Variants in TENM3 observed in about 807,000 individuals in gnomAD.
TENM3 encodes the protein teneurin transmembrane protein 3.
TENM3 carries 63 observed loss-of-function variants against 255.1 expected under a neutral mutation model. The ratio of observed to expected loss-of-function variants is 0.25; its 90% CI spans 0.20 to 0.30. TENM3 has a LOEUF of 0.30. Among genes scored for constraint, TENM3 ranks in the 10% least tolerant of loss-of-function variants. TENM3 has a pLI of 1.00. For synonymous variants in TENM3, 1,306 were observed against 1,322.3 expected (o/e 0.99, Z 0.27); for missense variants, 2,929 against 3,461.1 (o/e 0.85, Z 3.86).
At chr4:182,449,494 C>T (rs537814465) in intron 3 of TENM3, among the ~76,000 whole-genome samples, 2 of 152,068 alleles carry the variant, frequency 1.3e-5, no homozygotes, top group Non-Finnish European at 2.9e-5. Context: ...AGTGTACTGT[C>T]CTAATCCGTG....
intron 22 of TENM3, among the ~76,000 whole-genome samples, chr4:182,761,006 A>AAGTT (rs1418849381): frequency 3.9e-5 from 6 of 152,036 alleles, no homozygotes; most frequent in African/African-American, 1.4e-4. Context: ...TTAATTAGAA[A>AAGTT]AGTTATGCCC....
chr4:181,605,955 C>T, the TENM3 span, among the ~76,000 whole-genome samples: 1 of 152,158 alleles, frequency 6.6e-6, no homozygotes, highest in Non-Finnish European at 1.5e-5. Flanking sequence ...GGACCGTCCA[C>T]ATCATCCTTT....
the TENM3 span, among the ~76,000 whole-genome samples, chr4:181,744,435 A>C: frequency 6.6e-6 from 1 of 151,918 alleles, no homozygotes; most frequent in Non-Finnish European, 1.5e-5. Context: ...ATTAATTTAC[A>C]CTCCCACCAA....
At chr4:181,866,096 G>A in the TENM3 span, among the ~76,000 whole-genome samples, 2 of 152,186 alleles carry the variant, frequency 1.3e-5, no homozygotes, top group African/African-American at 4.8e-5. Flanking sequence ...AAAGTTAACA[G>A]TAAATGATTA....
chr4:182,667,736 G>A (rs1029167164), intron 6 of TENM3, among the ~76,000 whole-genome samples: 1 of 149,748 alleles, frequency 6.7e-6, no homozygotes, highest in African/African-American at 2.5e-5. Context: ...AGCATTCTTT[G>A]TAGAACACTT....
At chr4:182,519,932 T>G (rs1322627176) in intron 3 of TENM3, among the ~76,000 whole-genome samples, 1 of 152,128 alleles carries the variant, frequency 6.6e-6, no homozygotes, top group African/African-American at 2.4e-5. Flanking sequence ...TGGCTAAACA[T>G]TGGTGACTAC....
the TENM3 span, among the ~76,000 whole-genome samples, chr4:181,827,697 G>A: frequency 6.6e-6 from 1 of 152,164 alleles, no homozygotes; most frequent in Non-Finnish European, 1.5e-5. Flanking sequence ...AGGTTCCACG[G>A]CTGAGGGAGG....
intron 1 of TENM3, among the ~76,000 whole-genome samples, chr4:182,284,437 C>G (rs919518003): frequency 3.9e-5 from 6 of 152,174 alleles, no homozygotes; most frequent in African/African-American, 1.4e-4. Flanking sequence ...TATTTTAAAT[C>G]TATCTGCGGA....
chr4:181,641,217 G>T, the TENM3 span, among the ~76,000 whole-genome samples: 1 of 151,458 alleles, frequency 6.6e-6, no homozygotes, highest in Admixed American at 6.6e-5. Context: ...TTAAATTCTG[G>T]GATACATGTG....
Position 182,792,306 on chromosome 4 carries a change from G to C in TENM3, c.5634G>C (p.Gln1878His). 1 of 1,613,936 alleles carries C rather than the reference G, an allele frequency of 6.2e-7. No individual in the cohort carries two copies. Among genetic ancestry groups the C allele is most frequent in the South Asian group, 1.1e-5 (1 of 91,082 alleles). Residue 1878 changes from glutamine (Q) to histidine (H), a missense_variant, in exon 26 of 28, where the codon CAG (glutamine) becomes CAC (histidine). Coordinates refer to ENST00000511685, the MANE Select transcript of TENM3 (RefSeq NM_001080477.4). The surrounding 1 kb of genome is among the most constrained non-coding windows in gnomAD (Gnocchi z 6.3). ...TTCTTCTGCTTCATAGCCAGCGGCA[G>C]TACATCTTCGAATACGATATGTGGG... is the stretch of plus-strand genomic sequence containing the variant. Reference protein sequence around the residue: ...SMVLLLHSQRQYIFEYDMWDR... With the variant: ...SMVLLLHSQRHYIFEYDMWDR...
the TENM3 span, among the ~76,000 whole-genome samples, chr4:181,515,854 C>T: frequency 6.6e-6 from 1 of 152,022 alleles, no homozygotes; most frequent in Non-Finnish European, 1.5e-5. Flanking sequence ...GGGAATATAC[C>T]AAAGGAATAT....
At chr4:181,746,334 A>G in the TENM3 span, among the ~76,000 whole-genome samples, 1 of 152,072 alleles carries the variant, frequency 6.6e-6, no homozygotes, top group Non-Finnish European at 1.5e-5. Flanking sequence ...TATTGAAAGG[A>G]CCAGTATGGA....
chr4:182,473,491 G>A (rs1463128840), intron 3 of TENM3, among the ~76,000 whole-genome samples: 2 of 152,132 alleles, frequency 1.3e-5, no homozygotes, highest in African/African-American at 4.8e-5. Flanking sequence ...GGCTAACACA[G>A]TGAAACCCCG....
At chr4:181,871,246 T>C in the TENM3 span, among the ~76,000 whole-genome samples, 1 of 152,040 alleles carries the variant, frequency 6.6e-6, no homozygotes, top group Admixed American at 6.6e-5. Flanking sequence ...TACAATTCCA[T>C]ATATGGCTTA....
chr4:182,690,227 C>T (rs756984795), intron 12 of TENM3, among the ~76,000 whole-genome samples: 5 of 152,204 alleles, frequency 3.3e-5, no homozygotes, highest in Non-Finnish European at 5.9e-5. Flanking sequence ...AAATCAACAA[C>T]AGGTGCCCAC....
the TENM3 span, among the ~76,000 whole-genome samples, chr4:181,743,123 G>A: frequency 6.6e-6 from 1 of 151,978 alleles, no homozygotes; most frequent in Non-Finnish European, 1.5e-5. Flanking sequence ...TGTGAATAGT[G>A]CCGCAGTAAA....
chr4:182,361,920 A>G (rs1475547937), intron 3 of TENM3, among the ~76,000 whole-genome samples: 2 of 152,148 alleles, frequency 1.3e-5, no homozygotes, highest in Non-Finnish European at 2.9e-5. Flanking sequence ...TCTGTTTGAT[A>G]GCTTTCCTTC....
At position 182,204,291 on chromosome 4, in the gene TENM3, G is replaced by GT. The variant is rs532603553; in HGVS notation, c.-76+59538dup. Reference sequence around the variant, plus strand: ...GAAGCGGTGTTATCTTTAGGCTCATGTAAGAGTTGAAATGTTTTTGGAATG... The same window carrying GT: ...GAAGCGGTGTTATCTTTAGGCTCATGTTAAGAGTTGAAATGTTTTTGGAATG... On this transcript the variant is annotated intron_variant, in intron 1 of 2. Coordinates refer to the TENM3 transcript ENST00000512480. Among the ~76,000 whole-genome samples, 26 of 152,308 alleles carry GT rather than the reference G, an allele frequency of 1.7e-4. No homozygotes were observed. In the East Asian group the frequency reaches 4.8e-3, roughly 28 times the overall value.
chr4:181,510,070 G>GA, the TENM3 span, among the ~76,000 whole-genome samples: 1 of 152,206 alleles, frequency 6.6e-6, no homozygotes, highest in Non-Finnish European at 1.5e-5. Flanking sequence ...CCATATGTGA[G>GA]TTCAATAGTG....
Sources: gnomAD v4.1 joint callset for allele counts (sites outside exome capture counted in the v4.1 genomes callset) on GRCh38, gnomAD v4.1.1 for gene constraint, Gnocchi (gnomAD v3.1) non-coding constraint, MANE v1.5 for transcripts, NCBI Gene and HGNC (gene_info 2026-07-23, HGNC 2026-07-21) for gene names.